TRAM2: variants seen among roughly 807,000 people sequenced by gnomAD.
TRAM2 encodes translocating chain-associated membrane protein 2.
TRAM2 carries 12 observed loss-of-function variants against 51.0 expected under a neutral mutation model. That is an observed-to-expected ratio of 0.24 (90% CI 0.15 to 0.38). The LOEUF (loss-of-function observed/expected upper bound fraction) is 0.38. Among genes scored for constraint, TRAM2 ranks in the 10% least tolerant of loss-of-function variants. The pLI, the probability that TRAM2 is intolerant of heterozygous loss-of-function variation, is 1.00. For synonymous variants in TRAM2, 175 were observed against 179.4 expected (o/e 0.98, Z 0.20); for missense variants, 361 against 462.0 (o/e 0.78, Z 2.00).
chr6:52,521,173 G>A (rs1027378692), intron 2 of TRAM2, among the ~76,000 whole-genome samples: 4 of 151,720 alleles, frequency 2.6e-5, no homozygotes, highest in Non-Finnish European at 1.5e-5. Context: ...GCTTCCCAAA[G>A]TGCTGGGATT....
chr6:52,521,099 G>T (rs918554647), intron 2 of TRAM2, among the ~76,000 whole-genome samples: 1 of 151,636 alleles, frequency 6.6e-6, no homozygotes, highest in Non-Finnish European at 1.5e-5. Context: ...TAGTAGAGAT[G>T]TGTTTTTGCC....
intron 1 of TRAM2, among the ~76,000 whole-genome samples, chr6:52,572,314 G>A (rs976715837): frequency 6.6e-6 from 1 of 152,238 alleles, no homozygotes; most frequent in Admixed American, 6.5e-5. Context: ...TTAGAAGTTA[G>A]TCAAAGAGGC....
At chr6:52,524,812 C>G (rs1160992894) in intron 2 of TRAM2, 1 of 152,060 alleles carries the variant, frequency 6.6e-6, no homozygotes, top group African/African-American at 2.4e-5. Flanking sequence ...GAGCTCACTT[C>G]TGGAGCCATC....
chr6:52,572,716 G>A (rs886760581), intron 1 of TRAM2, among the ~76,000 whole-genome samples: 7 of 152,266 alleles, frequency 4.6e-5, no homozygotes, highest in South Asian at 4.1e-4. Context: ...GACAGGACCC[G>A]CAGCCACATT....
chr6:52,574,112 A>G (rs935944004), intron 1 of TRAM2, among the ~76,000 whole-genome samples: 6 of 152,206 alleles, frequency 3.9e-5, no homozygotes, highest in Non-Finnish European at 7.4e-5. Context: ...AGTTGCACCT[A>G]CCATCGCACC....
intron 2 of TRAM2, among the ~76,000 whole-genome samples, chr6:52,530,196 TGAG>T (rs1766860433): frequency 6.6e-6 from 1 of 152,186 alleles, no homozygotes; most frequent in Non-Finnish European, 1.5e-5. Flanking sequence ...CAAGCAGGAA[TGAG>T]GAGAGCAGAA....
At chr6:52,557,189 T>C (rs1025783611) in intron 1 of TRAM2, among the ~76,000 whole-genome samples, 1 of 98,598 alleles carries the variant, frequency 1.0e-5, no homozygotes, top group Non-Finnish European at 2.9e-5. Flanking sequence ...CAAAACTCTG[T>C]CTCAAAAAAA....
chr6:52,552,000 A>C (rs1767317631), intron 1 of TRAM2, among the ~76,000 whole-genome samples: 1 of 152,282 alleles, frequency 6.6e-6, no homozygotes. Context: ...CCGCTCGAGA[A>C]GGCTCAGCGT....
At chr6:52,567,226 A>AAGTGGTC (rs1767604315) in intron 1 of TRAM2, among the ~76,000 whole-genome samples, 1 of 152,238 alleles carries the variant, frequency 6.6e-6, no homozygotes, top group African/African-American at 2.4e-5. Context: ...AAGGCGTGGT[A>AAGTGGTC]AGTGGTCAGT....
At position 52,516,135 on chromosome 6, in the gene TRAM2, G is replaced by T; in HGVS notation, c.295-13C>A. On this transcript the variant is annotated splice_polypyrimidine_tract_variant and intron_variant, in intron 3 of 10. Coordinates refer to ENST00000182527, the MANE Select transcript of TRAM2 (RefSeq NM_012288.4). ...GTTTGCTGATTTTCTAAAGAATAAA[G>T]AAAACCCCTCATATTAATATACAAA... The T allele has an allele frequency of 3.1e-6, 5 of 1,607,988 alleles. No individual in the cohort carries two copies. Among genetic ancestry groups the T allele is most frequent in the Non-Finnish European group, 4.3e-6 (5 of 1,174,648 alleles).
Position 52,505,679 on chromosome 6 carries a change from C to T in TRAM2, c.795G>A (p.Leu265=). 15 of 1,613,820 alleles carry T rather than the reference C, an allele frequency of 9.3e-6. No homozygotes were observed. Among genetic ancestry groups the T allele is most frequent in the Non-Finnish European group, 1.3e-5 (15 of 1,179,780 alleles). Residue 265 remains leucine (L), a synonymous_variant, in exon 9 of 11, where the codon CTG becomes CTA. Coordinates refer to ENST00000182527, the MANE Select transcript of TRAM2 (RefSeq NM_012288.4). Reference sequence around the variant, plus strand: ...TGCGAGCCAGTCCAAAGCCAATGGCCAGCACGGCAAGGGTGAGGATGAAGA... The same window carrying T: ...TGCGAGCCAGTCCAAAGCCAATGGCTAGCACGGCAAGGGTGAGGATGAAGA... The part of the protein sequence containing the change: ...TRLFILTLAV[L]AIGFGLARME...
At chr6:52,544,172 G>T (rs1767155499) in intron 1 of TRAM2, among the ~76,000 whole-genome samples, 1 of 152,224 alleles carries the variant, frequency 6.6e-6, no homozygotes, top group African/African-American at 2.4e-5. Context: ...AGGGCTGCAG[G>T]CCAATTCTCA....
chr6:52,558,306 C>G (rs1027491222), intron 1 of TRAM2, among the ~76,000 whole-genome samples: 1 of 152,094 alleles, frequency 6.6e-6, no homozygotes, highest in Non-Finnish European at 1.5e-5. Context: ...GGCCCAAAAG[C>G]CCCCCACGTC....
chr6:52,521,981 C>A (rs1436488736), intron 2 of TRAM2, among the ~76,000 whole-genome samples: 2 of 152,184 alleles, frequency 1.3e-5, no homozygotes, highest in Non-Finnish European at 2.9e-5. Context: ...GGGGGGAGCA[C>A]AAATGAGCCA....
intron 5 of TRAM2, among the ~76,000 whole-genome samples, chr6:52,508,791 T>C (rs1405982521): frequency 2.0e-5 from 3 of 152,032 alleles, no homozygotes; most frequent in Admixed American, 2.0e-4. Flanking sequence ...CCCAGCACTT[T>C]GGGAGGCTGA....
At chr6:52,523,327 T>C (rs1766711150) in intron 2 of TRAM2, 1 of 163,836 alleles carries the variant, frequency 6.1e-6, no homozygotes, top group African/African-American at 2.4e-5. Flanking sequence ...CTAATCTTGC[T>C]AATATGTAGT....
chr6:52,506,816 A>G (rs1227536206), intron 7 of TRAM2, among the ~76,000 whole-genome samples: 1 of 152,110 alleles, frequency 6.6e-6, no homozygotes, highest in Non-Finnish European at 1.5e-5. Context: ...CCTCAGTCTT[A>G]CTAATCCAAG....
In TRAM2 at chr6:52,576,996, G is replaced by A; in HGVS notation, c.-81C>T. The A allele has an allele frequency of 2.3e-6, 3 of 1,329,512 alleles. No individual in the cohort carries two copies. Among genetic ancestry groups the A allele is most frequent in the East Asian group, 6.3e-5 (2 of 31,532 alleles). 82.4% of individuals were successfully genotyped at this position (1,329,512 alleles called of 1,614,324 possible). On this transcript the variant is annotated 5_prime_UTR_variant, in exon 1 of 11. Coordinates refer to ENST00000182527, the MANE Select transcript of TRAM2 (RefSeq NM_012288.4). ...CGCAAACTTCTCCAGCACCGGCCCG[G>A]TCCGCCCGCCGGCCCGCCGCCCGCT...
In TRAM2 at chr6:52,502,947, G is replaced by GT. The variant is rs1766263183; in HGVS notation, c.*249dup. 19 of 574,738 alleles carry GT rather than the reference G, an allele frequency of 3.3e-5. No individual in the cohort carries two copies. In the South Asian group the frequency reaches 3.8e-4, roughly 11 times the overall value. 35.6% of individuals were successfully genotyped at this position (574,738 alleles called of 1,614,324 possible). On this transcript the variant is annotated 3_prime_UTR_variant, in exon 11 of 11. Transcript: ENST00000182527. ...CCAGAAAAGCCAGCACAGGACAGGAGTGAGGACAGGAGGTGGCCTGAGGGG... is the reference window on the plus strand; with the variant it reads ...CCAGAAAAGCCAGCACAGGACAGGAGTTGAGGACAGGAGGTGGCCTGAGGGG...
Sources: gnomAD v4.1 joint callset for allele counts (sites outside exome capture counted in the v4.1 genomes callset) on GRCh38, gnomAD v4.1.1 for gene constraint, MANE v1.5 for transcripts, NCBI Gene and HGNC (gene_info 2026-07-23, HGNC 2026-07-21) for gene names.